The following PPFIBP2 variants were observed in gnomAD, a reference collection of about 807,000 sequenced individuals.
PPFIBP2 encodes the protein liprin-beta-2.
Under a neutral mutation model 118.3 loss-of-function variants are expected in PPFIBP2, and 118 were observed. That is an observed-to-expected ratio of 1.00 (90% CI 0.86 to 1.16). The LOEUF (loss-of-function observed/expected upper bound fraction) is 1.16, where lower values mean the gene tolerates loss of function less well. Among genes scored for constraint, PPFIBP2 ranks in the 50% most tolerant of loss-of-function variants. The pLI is 0.00. For missense variants in PPFIBP2, 1,195 were observed against 1,073.1 expected (o/e 1.11, Z -1.59); for synonymous variants, 414 against 397.4 (o/e 1.04, Z -0.50).
chr11:7,564,203 G>T (rs922697913), intron 2 of PPFIBP2, among the ~76,000 whole-genome samples: 6 of 152,002 alleles, frequency 3.9e-5, no homozygotes, highest in Admixed American at 2.0e-4. Flanking sequence ...TTGAATTTGG[G>T]GCATATCAAA....
downstream of PPFIBP2, among the ~76,000 whole-genome samples, chr11:7,654,457 A>G (rs1854501236): frequency 6.6e-6 from 1 of 152,218 alleles, no homozygotes; most frequent in Admixed American, 6.5e-5. Context: ...GCACGGCCTG[A>G]TGACTCCATT....
chr11:7,573,104 C>G (rs893992847), intron 3 of PPFIBP2, among the ~76,000 whole-genome samples: 5 of 152,180 alleles, frequency 3.3e-5, no homozygotes, highest in African/African-American at 1.2e-4. Flanking sequence ...AAAGCGGTTT[C>G]CTAACTTCTT....
chr11:7,597,491 AG>A, intron 4 of PPFIBP2, 68 bp from the exon 5 acceptor site: 1 of 1,528,198 alleles, frequency 6.5e-7, no homozygotes, highest in Non-Finnish European at 8.9e-7. Context: ...GGCTCCCCTG[AG>A]GTGGGGAGGC....
chr11:7,573,369 A>G (rs116234009), intron 3 of PPFIBP2, among the ~76,000 whole-genome samples: 2,106 of 152,344 alleles, frequency 0.014, 75 homozygotes, highest in African/African-American at 0.048. Context: ...TACATTTTTC[A>G]AGACTGAAGA....
At chr11:7,627,410 C>A (rs1470340081) in intron 8 of PPFIBP2, among the ~76,000 whole-genome samples, 1 of 152,126 alleles carries the variant, frequency 6.6e-6, no homozygotes, top group Non-Finnish European at 1.5e-5. Context: ...ATACAACAAG[C>A]ATCCCAAAAG....
chr11:7,551,679 G>A (rs758028677), intron 2 of PPFIBP2, among the ~76,000 whole-genome samples: 7 of 152,138 alleles, frequency 4.6e-5, no homozygotes, highest in Non-Finnish European at 1.0e-4. Flanking sequence ...GATCATGTTG[G>A]GAAGAACTGA....
intron 3 of PPFIBP2, among the ~76,000 whole-genome samples, chr11:7,591,080 A>G (rs1470997426): frequency 6.6e-6 from 1 of 150,972 alleles, no homozygotes; most frequent in Non-Finnish European, 1.5e-5. Context: ...CATTTTATTA[A>G]CTGAATTTAT....
intron 5 of PPFIBP2, among the ~76,000 whole-genome samples, chr11:7,598,779 G>A (rs1860866641): frequency 6.8e-6 from 1 of 147,584 alleles, no homozygotes; most frequent in Admixed American, 6.9e-5. Flanking sequence ...GACTCAGATT[G>A]TTTCTTGACA....
At chr11:7,619,644 G>A (rs1481922478) in intron 6 of PPFIBP2, among the ~76,000 whole-genome samples, 1 of 152,236 alleles carries the variant, frequency 6.6e-6, no homozygotes, top group East Asian at 1.9e-4. Context: ...GAGTGGTGGT[G>A]CCTGAGTGGG....
At chr11:7,615,708 T>G (rs1848559166) in intron 6 of PPFIBP2, among the ~76,000 whole-genome samples, 1 of 152,190 alleles carries the variant, frequency 6.6e-6, no homozygotes, top group African/African-American at 2.4e-5. Context: ...GCTCCAACAT[T>G]GAAGCAAAAG....
chr11:7,665,681 T>G, the PPFIBP2 span: 1 of 1,177,352 alleles, frequency 8.5e-7, no homozygotes, highest in Admixed American at 2.6e-5. Context: ...TCTGTACTAC[T>G]GCTCCCTGCA....
intron 6 of PPFIBP2, among the ~76,000 whole-genome samples, chr11:7,614,375 A>G (rs1848401307): frequency 6.6e-6 from 1 of 152,232 alleles, no homozygotes; most frequent in Admixed American, 6.5e-5. Context: ...ACAAATGTAC[A>G]CTATTCTAGA....
intron 3 of PPFIBP2, among the ~76,000 whole-genome samples, chr11:7,586,652 G>A (rs1858258221): frequency 1.3e-5 from 2 of 152,188 alleles, no homozygotes; most frequent in Non-Finnish European, 2.9e-5. Flanking sequence ...ATGGTTAGGT[G>A]CAGCCCCAGC....
Position 7,620,961 on chromosome 11 carries a change from CA to C in PPFIBP2, c.649del (p.Ile217SerfsTer17). On this transcript the variant is annotated frameshift_variant, in exon 7 of 24. Coordinates refer to ENST00000299492, the MANE Select transcript of PPFIBP2 (RefSeq NM_003621.5). LOFTEE classifies it high-confidence loss of function. ...EELLQELRHL[K>X]IKVEELENER... ...AGTTACTGCAAGAGCTCAGGCACCT[CA>C]AAATCAAAGTGGAAGAGTTGGAAAA... The C allele has an allele frequency of 5.6e-6, 9 of 1,612,898 alleles. No individual in the cohort carries two copies. Among genetic ancestry groups the C allele is most frequent in the Non-Finnish European group, 6.8e-6 (8 of 1,178,950 alleles).
At chr11:7,630,388 C>T (rs1213245529) in intron 10 of PPFIBP2, among the ~76,000 whole-genome samples, 1 of 152,182 alleles carries the variant, frequency 6.6e-6, no homozygotes, top group East Asian at 1.9e-4. Context: ...CTCAGCTCAC[C>T]GTAACCTCTG....
At chr11:7,539,168 C>T (rs1851519656) in intron 1 of PPFIBP2, 2 of 152,384 alleles carry the variant, frequency 1.3e-5, no homozygotes. Context: ...CTCCGATATT[C>T]ACTGAAGGCA....
chr11:7,663,922 C>T, the PPFIBP2 span, among the ~76,000 whole-genome samples: 42 of 152,290 alleles, frequency 2.8e-4, no homozygotes, highest in East Asian at 1.6e-3. Context: ...CAGGTGCGTC[C>T]GTCACCCCTT....
At chr11:7,611,982 C>T (rs952659722) in intron 6 of PPFIBP2, among the ~76,000 whole-genome samples, 3 of 152,322 alleles carry the variant, frequency 2.0e-5, no homozygotes, top group South Asian at 2.1e-4. Context: ...TGTGAACATA[C>T]ATTAGGACTT....
intron 2 of PPFIBP2, among the ~76,000 whole-genome samples, chr11:7,563,348 C>A (rs1044422543): frequency 6.6e-6 from 1 of 152,142 alleles, no homozygotes; most frequent in African/African-American, 2.4e-5. Context: ...TGTTCTAAGT[C>A]CACTCTTAAT....
Sources: allele counts gnomAD v4.1 joint callset (sites outside exome capture counted in the v4.1 genomes callset), GRCh38; gene constraint gnomAD v4.1.1; transcripts MANE v1.5; gene names NCBI Gene and HGNC (gene_info 2026-07-23, HGNC 2026-07-21).